The following HFM1 variants were observed in gnomAD, a reference collection of about 807,000 sequenced individuals.
The protein encoded by HFM1 is helicase for meiosis 1, also known as probable ATP-dependent DNA helicase HFM1.
In HFM1, 169 loss-of-function variants were observed where a neutral mutation model predicts 192.1. The observed-to-expected ratio is 0.88, with a 90% confidence interval of 0.78 to 1.00. HFM1 has a LOEUF of 1.00. Ranked by LOEUF, HFM1 falls within the 50% of genes least tolerant of loss-of-function variation. The pLI is 0.00. For missense variants in HFM1, 1,661 were observed against 1,668.0 expected (o/e 1.00, Z 0.07); for synonymous variants, 525 against 537.8 (o/e 0.98, Z 0.33).
intron 20 of HFM1, among the ~76,000 whole-genome samples, chr1:91,332,820 A>G (rs1320638576): frequency 6.6e-6 from 1 of 152,228 alleles, no homozygotes; most frequent in African/African-American, 2.4e-5. Context: ...AAAAGAAGAC[A>G]TACAAACAGC....
At chr1:91,373,621 C>G (rs282039) in intron 13 of HFM1, among the ~76,000 whole-genome samples, 151,356 of 151,536 alleles carry the variant, frequency 1, 75,588 homozygotes, top group Non-Finnish European at 1. Flanking sequence ...GTTTTTGTGA[C>G]ATCTAGTTGC....
rs1026758962 is a variant in HFM1 at position 91,314,053 on chromosome 1, C to T, written c.3148G>A (p.Val1050Ile). ...GCCCAACTTCCAGCTTTTAGCAAAA[C>T]AGAATCCCTGAAAAATAGTATAGTT... ...VVYLHKITDS[V>I]LLKAGSWAKK... The change falls in exon 29 of 39, where the codon GTT becomes ATT. Residue 1050 changes from valine to isoleucine, a missense_variant. Physicochemically the swap from Val to Ile is conservative, Grantham distance 29. Coordinates refer to ENST00000370425, the MANE Select transcript of HFM1 (RefSeq NM_001017975.6). 3.8e-6 allele frequency: 6 copies of T among 1,598,110 alleles called. No homozygotes were observed. The Admixed American group carries it at 5.0e-5, about 13-fold the overall frequency.
At chr1:91,290,005 A>AT (rs1167618944) in intron 30 of HFM1, among the ~76,000 whole-genome samples, 2 of 152,160 alleles carry the variant, frequency 1.3e-5, no homozygotes, top group East Asian at 1.9e-4. Context: ...ATGCTGAGAG[A>AT]TTTTGTCACC....
intron 11 of HFM1, chr1:91,377,659 A>C (rs969090376): frequency 5.2e-5 from 11 of 212,208 alleles, no homozygotes; most frequent in Non-Finnish European, 7.4e-5. Flanking sequence ...GCAAGTGGTA[A>C]TCATCTAAGC....
At chr1:91,396,941 A>T (rs1663733993) in intron 2 of HFM1, among the ~76,000 whole-genome samples, 1 of 152,214 alleles carries the variant, frequency 6.6e-6, no homozygotes, top group African/African-American at 2.4e-5. Context: ...GACTTCTGTC[A>T]GATCAGCAAC....
intron 1 of HFM1, 39 bp from the exon 2 acceptor site, chr1:91,401,148 A>G (rs1331790662): frequency 2.3e-6 from 2 of 860,356 alleles, no homozygotes; most frequent in South Asian, 1.8e-5. Flanking sequence ...TTTTATTTAT[A>G]AAGATGTAAA....
At chr1:91,313,260 A>G (rs544668680) in intron 30 of HFM1, 89 bp downstream of exon 30, 18 of 639,456 alleles carry the variant, frequency 2.8e-5, no homozygotes, top group South Asian at 1.0e-4. Flanking sequence ...AGTATCCTCA[A>G]TCTGAGTGTT....
At chr1:91,363,282 A>G (rs1350630250) in intron 13 of HFM1, among the ~76,000 whole-genome samples, 3 of 152,172 alleles carry the variant, frequency 2.0e-5, no homozygotes, top group African/African-American at 2.4e-5. Flanking sequence ...CAATCTATCT[A>G]TCTGACAAAG....
At chr1:91,372,733 A>G (rs1660395001) in intron 13 of HFM1, among the ~76,000 whole-genome samples, 1 of 152,124 alleles carries the variant, frequency 6.6e-6, no homozygotes, top group South Asian at 2.1e-4. Flanking sequence ...TTAAAGTATA[A>G]TAAAAAAAAG....
chr1:91,322,522 T>G (rs1298477923), intron 23 of HFM1, among the ~76,000 whole-genome samples: 1 of 152,196 alleles, frequency 6.6e-6, no homozygotes, highest in Admixed American at 6.5e-5. Flanking sequence ...TCCCCATTTT[T>G]GGCAGAACAG....
At chr1:91,355,059 A>C (rs1028447723) in intron 13 of HFM1, among the ~76,000 whole-genome samples, 3 of 152,296 alleles carry the variant, frequency 2.0e-5, no homozygotes, top group Middle Eastern at 3.4e-3. Flanking sequence ...TGAATATAAA[A>C]AGATGTAAAC....
At chr1:91,354,579 T>A (rs1296429777) in intron 13 of HFM1, among the ~76,000 whole-genome samples, 1 of 151,984 alleles carries the variant, frequency 6.6e-6, no homozygotes, top group Non-Finnish European at 1.5e-5. Flanking sequence ...AAAGAGAGAA[T>A]TTTAAAAGTA....
In HFM1 at chr1:91,380,235, A is replaced by G; in HGVS notation, c.875T>C (p.Leu292Pro). 1 of 1,524,918 alleles carries G rather than the reference A, an allele frequency of 6.6e-7. No homozygotes were observed. The highest frequency in any genetic ancestry group is 2.1e-5 in the Admixed American group (1 of 47,210). 94.5% of individuals were successfully genotyped at this position (1,524,918 alleles called of 1,614,324 possible). ...CACAAAATTCCTATCTGTGTAAAGA[A>G]GCTAAAAAATAAAAAGTAATCAATC... ...NYIQSKAFDD[L>P]LYTDRNFVIC... Residue 292 changes from leucine (L) to proline (P), a missense_variant and splice_region_variant, in exon 8 of 39, where the codon CTT becomes CCT. Coordinates refer to ENST00000370425, the MANE Select transcript of HFM1 (RefSeq NM_001017975.6).
intron 4 of HFM1, among the ~76,000 whole-genome samples, chr1:91,392,119 A>G (rs553160917): frequency 6.6e-6 from 1 of 152,278 alleles, no homozygotes; most frequent in South Asian, 2.1e-4. Context: ...GAGGATGTGG[A>G]GAAATAGGAA....
Position 91,317,504 on chromosome 1 carries a change from A to G in HFM1, c.2813-1028T>C, listed in dbSNP as rs143779152. Among the ~76,000 whole-genome samples the G allele has an allele frequency of 2.1e-3, 324 of 152,344 alleles. 1 individual carries two copies. Among genetic ancestry groups the G allele is most frequent in the African/African-American group, 7.4e-3 (306 of 41,586 alleles). On this transcript the variant is annotated intron_variant, in intron 25 of 38. Transcript: ENST00000370425. ...CTTATACTTTCAGAAGGCAGAATTT[A>G]CAATTCTTATATGCTTATGAATGAA... is the stretch of plus-strand genomic sequence containing the variant.
rs1419171546 is a variant in HFM1 at position 91,266,089 on chromosome 1, C to T, written c.3902G>A (p.Ser1301Asn). ...TAGCTTACTTCCCCTGGTACTTGAA[C>T]TCAAAGTGTTTCCAAATCCTATGTG... ...TKISGFGNTL[S>N]SSTRGSKLPL... The change falls in exon 36 of 39, where the codon AGT (serine) becomes AAT (asparagine). Residue 1301 changes from serine to asparagine, a missense_variant. Coordinates refer to ENST00000370425, the MANE Select transcript of HFM1 (RefSeq NM_001017975.6). 3 of 1,589,698 alleles carry T rather than the reference C, an allele frequency of 1.9e-6. No individual in the cohort carries two copies. Among genetic ancestry groups the T allele is most frequent in the African/African-American group, 2.7e-5 (2 of 72,820 alleles).
chr1:91,374,013 A>G (rs1660592615), intron 13 of HFM1, among the ~76,000 whole-genome samples: 1 of 152,176 alleles, frequency 6.6e-6, no homozygotes, highest in Non-Finnish European at 1.5e-5. Flanking sequence ...AATCAAGTAC[A>G]GGTTGCTTAT....
chr1:91,341,436 T>C (rs947033457), intron 20 of HFM1, among the ~76,000 whole-genome samples: 4 of 152,096 alleles, frequency 2.6e-5, no homozygotes, highest in African/African-American at 9.7e-5. Context: ...GGTAAAACAA[T>C]GTTCAGAGAA....
At chr1:91,372,922 A>C (rs951323921) in intron 13 of HFM1, among the ~76,000 whole-genome samples, 6 of 151,636 alleles carry the variant, frequency 4.0e-5, no homozygotes, top group African/African-American at 7.3e-5. Context: ...CTTGCTCTCT[A>C]CTGTTTCTTA....
Sources: allele counts gnomAD v4.1 joint callset (sites outside exome capture counted in the v4.1 genomes callset), GRCh38; gene constraint gnomAD v4.1.1; transcripts MANE v1.5; gene names NCBI Gene and HGNC (gene_info 2026-07-23, HGNC 2026-07-21).